TONSL: variants seen among roughly 807,000 people sequenced by gnomAD.
TONSL encodes tonsoku-like protein.
Under a neutral mutation model 147.1 loss-of-function variants are expected in TONSL, and 112 were observed. That is an observed-to-expected ratio of 0.76 (90% CI 0.65 to 0.89). The LOEUF (loss-of-function observed/expected upper bound fraction) is 0.89. Among genes scored for constraint, TONSL ranks in the 40% least tolerant of loss-of-function variants. The pLI, the probability that TONSL is intolerant of heterozygous loss-of-function variation, is 0.00. For synonymous variants in TONSL, 868 were observed against 801.5 expected (o/e 1.08, Z -1.40); for missense variants, 1,883 against 1,864.6 (o/e 1.01, Z -0.18).
At chr8:144,444,357 G>GC in intron 1 of TONSL, 33 bp downstream of exon 1, 2 of 1,284,148 alleles carry the variant, frequency 1.6e-6, no homozygotes, top group Non-Finnish European at 2.0e-6. Context: ...CAGCCTCCGC[G>GC]CCCCCGGAGG....
chr8:144,433,361 C>G, intron 22 of TONSL: 1 of 489,882 alleles, frequency 2.0e-6, no homozygotes. Flanking sequence ...CAGGCGTGAG[C>G]CACTGCGCCC....
intron 4 of TONSL, 103 bp downstream of exon 4, chr8:144,443,035 G>T: frequency 7.3e-7 from 1 of 1,374,278 alleles, no homozygotes. Flanking sequence ...GCAAAGGGAG[G>T]GCTCCAGAAG....
intron 5 of TONSL, 121 bp from the exon 6 acceptor site, chr8:144,442,533 A>G: frequency 6.8e-7 from 1 of 1,478,230 alleles, no homozygotes; most frequent in Non-Finnish European, 9.0e-7. Flanking sequence ...GCCTTCTCCC[A>G]GTGTGTGGCA....
chr8:144,429,451 A>G (rs1211342794), intron 25 of TONSL, 115 bp from the exon 26 acceptor site: 2 of 990,320 alleles, frequency 2.0e-6, no homozygotes, highest in Admixed American at 4.0e-5. Flanking sequence ...GGCTGTAGCG[A>G]GGGGCAGTGG....
chr8:144,443,124 A>G lies in TONSL; in HGVS notation c.448+14T>C. The G allele has an allele frequency of 1.3e-6, 2 of 1,545,604 alleles. No individual in the cohort carries two copies. Among genetic ancestry groups the G allele is most frequent in the South Asian group, 2.4e-5 (2 of 83,974 alleles). ...GAAGTTCAGGAGGCAGAAAACGCGG[A>G]GGGGTCTGCCCACCCTCCAGCTCCT... On this transcript the variant is annotated intron_variant, in intron 4 of 25. Coordinates refer to ENST00000409379, the MANE Select transcript of TONSL (RefSeq NM_013432.5).
At chr8:144,436,501 C>A in intron 16 of TONSL, 57 bp downstream of exon 16, 1 of 1,581,962 alleles carries the variant, frequency 6.3e-7, no homozygotes. Context: ...GAAATCAGGG[C>A]CCGGGGACTC....
In TONSL at chr8:144,430,539, T is replaced by C; in HGVS notation, c.3810-2A>G. Reference sequence around the variant, plus strand: ...AGTGAGGGGCACAGAGAGAGACATCTGAGATAACATGGGAAGAAGTGCAAA... The same window carrying C: ...AGTGAGGGGCACAGAGAGAGACATCCGAGATAACATGGGAAGAAGTGCAAA... On this transcript the variant is annotated splice_acceptor_variant, in intron 24 of 25. Coordinates refer to ENST00000409379, the MANE Select transcript of TONSL (RefSeq NM_013432.5). LOFTEE classifies it high-confidence loss of function. 1 of 1,606,300 alleles carries C rather than the reference T, an allele frequency of 6.2e-7. No individual in the cohort carries two copies. The highest frequency in any genetic ancestry group is 8.5e-7 in the Non-Finnish European group (1 of 1,176,258).
chr8:144,440,637 G>C, intron 9 of TONSL, 81 bp downstream of exon 9: 2 of 1,552,440 alleles, frequency 1.3e-6, no homozygotes, highest in Non-Finnish European at 1.7e-6. Context: ...AAGGACACCT[G>C]TCCATGGCCA....
In TONSL at chr8:144,434,048, G is replaced by A; in HGVS notation, c.3317C>T (p.Ser1106Phe). The change falls in exon 21 of 26, where the codon TCC becomes TTC. Residue 1106 changes from serine (S) to phenylalanine (F), a missense_variant. Physicochemically the swap from Ser to Phe is radical, Grantham distance 155. Transcript: ENST00000409379. ...GCCTTCGGGACCCAGGTGATTGGAG[G>A]AGAGGTCAAGGAGGGCCAGGCTGGG... ...TMPSLALLDL[S>F]SNHLGPEGLR... is the part of the protein sequence containing the mutation. 2 of 1,611,384 alleles carry A rather than the reference G, an allele frequency of 1.2e-6. No homozygotes were observed. The highest frequency in any genetic ancestry group is 1.7e-6 in the Non-Finnish European group (2 of 1,178,962).
At chr8:144,440,301 C>T (rs1222184546) in intron 10 of TONSL, 50 bp downstream of exon 10, 15 of 1,560,916 alleles carry the variant, frequency 9.6e-6, no homozygotes, top group South Asian at 3.5e-5. Flanking sequence ...CAGGCTGCAA[C>T]GAAGCTGGGC....
Position 144,444,376 on chromosome 8 carries a change from C to T in TONSL, c.25+14G>A. ...CTCCGCGCCCCCGGAGGAAGGGGTC[C>T]CCGAGGAACTTACGGCGAAGCTCGC... On this transcript the variant is annotated intron_variant, in intron 1 of 25. Coordinates refer to ENST00000409379, the MANE Select transcript of TONSL (RefSeq NM_013432.5). 1 of 1,278,258 alleles carries T rather than the reference C, an allele frequency of 7.8e-7. No homozygotes were observed. The highest frequency in any genetic ancestry group is 9.9e-7 in the Non-Finnish European group (1 of 1,010,208). 79.2% of individuals were successfully genotyped at this position (1,278,258 alleles called of 1,614,324 possible).
Position 144,442,938 on chromosome 8 carries a change from C to G in TONSL, c.449-132G>C, listed in dbSNP as rs551803092. The G allele has an allele frequency of 6.8e-6, 9 of 1,326,942 alleles. No individual in the cohort carries two copies. In the African/African-American group the frequency reaches 1.0e-4, roughly 15 times the overall value. 82.2% of individuals were successfully genotyped at this position (1,326,942 alleles called of 1,614,324 possible). ...TCCCGAGGTGGGTGCAAGTGTCCTG[C>G]GGCAGATGGAGCACAGAGTGGATAA... On this transcript the variant is annotated intron_variant, in intron 4 of 25. Transcript: ENST00000409379.
chr8:144,436,847 G>A lies in TONSL; in HGVS notation c.1800C>T (p.Thr600=), dbSNP rs1465368820. 1.2e-6 allele frequency: 2 copies of A among 1,610,740 alleles called. No homozygotes were observed. Among genetic ancestry groups the A allele is most frequent in the Non-Finnish European group, 1.7e-6 (2 of 1,179,898 alleles). Residue 600 remains threonine, a synonymous_variant, in exon 15 of 26, where the codon ACC becomes ACT. Coordinates refer to ENST00000409379, the MANE Select transcript of TONSL (RefSeq NM_013432.5). ...DPGGQGCEGI[T]PLHDALNCGH... is the part of the protein sequence containing the mutation. ...CACAGTTGAGGGCATCGTGGAGGGG[G>A]GTGATGCCTTCGCAGCCCTGGCCAC...
rs770590299 is a variant in TONSL, at chr8:144,435,140, G to A, written c.2883C>T (p.Ala961=). The change falls in exon 19 of 26, where the codon GCC becomes GCT. Residue 961 remains alanine (A), a synonymous_variant. Coordinates refer to ENST00000409379, the MANE Select transcript of TONSL (RefSeq NM_013432.5). The part of the protein sequence containing the change: ...SSDTHSVAWL[A]EQAAQRYYQT... Reference sequence around the variant, plus strand: ...GGTAGTAGCGCTGGGCCGCCTGCTCGGCCAGCCAGGCCACAGAGTGGGTGT... The same window carrying A: ...GGTAGTAGCGCTGGGCCGCCTGCTCAGCCAGCCAGGCCACAGAGTGGGTGT... 8.3e-6 allele frequency: 13 copies of A among 1,566,982 alleles called. No homozygotes were observed. Among genetic ancestry groups the A allele is most frequent in the Non-Finnish European group, 1.0e-5 (12 of 1,157,090 alleles).
At chr8:144,432,694 C>A in intron 22 of TONSL, 1 of 444,290 alleles carries the variant, frequency 2.3e-6, no homozygotes, top group South Asian at 4.3e-5. Context: ...CCTCTCCCAC[C>A]CCACAACCAC....
chr8:144,436,965 G>T, intron 14 of TONSL, 45 bp from the exon 15 acceptor site: 5 of 1,612,658 alleles, frequency 3.1e-6, no homozygotes, highest in Non-Finnish European at 3.4e-6. Context: ...GCCCCGCCAG[G>T]ACTGACTCTT....
At position 144,433,966 on chromosome 8, in the gene TONSL, C is replaced by T. The variant is rs1586684444; in HGVS notation, c.3387+12G>A. The T allele has an allele frequency of 6.4e-7, 1 of 1,561,686 alleles. No individual in the cohort carries two copies. The highest frequency in any genetic ancestry group is 8.7e-7 in the Non-Finnish European group (1 of 1,150,894). On this transcript the variant is annotated intron_variant, in intron 21 of 25. Coordinates refer to ENST00000409379, the MANE Select transcript of TONSL (RefSeq NM_013432.5). ...CCCGCTGTTGAGGGCCTGCTGCTCT[C>T]TGTGCCTATACCTGCAAGGTGGCTT...
At position 144,440,420 on chromosome 8, in the gene TONSL, G is replaced by T; in HGVS notation, c.1221C>A (p.Tyr407Ter). ...ALSREEAGDAYELLAPCFQKA... is the reference protein window; with the variant it reads ...ALSREEAGDA ...TCTGGAAGCACGGGGCCAGCAGCTC[G>T]TAGGCATCGCCGGCCTCCTCGCGGG... The change falls in exon 10 of 26, where the codon TAC becomes TAA. Residue 407 changes from tyrosine (Y) to a stop codon, truncating the protein, a stop_gained. Transcript: ENST00000409379. LOFTEE classifies it high-confidence loss of function. The T allele has an allele frequency of 1.9e-6, 3 of 1,608,436 alleles. No individual in the cohort carries two copies. The highest frequency in any genetic ancestry group is 2.2e-5 in the East Asian group (1 of 44,710).
In TONSL at chr8:144,430,508, G is replaced by A. The variant is rs781908312; in HGVS notation, c.3839C>T (p.Ser1280Leu). Residue 1280 changes from serine to leucine, a missense_variant, in exon 25 of 26, where the codon TCA (serine) becomes TTA (leucine). Transcript: ENST00000409379. ...CTCAGGGTTGGCAGACAGATCCAGT[G>A]AGATGAGTGAGGGGCACAGAGAGAG... Reference protein sequence around the residue: ...RCLSLCPSLISLDLSANPEIS... With the variant: ...RCLSLCPSLILLDLSANPEIS... 26 of 1,613,228 alleles carry A rather than the reference G, an allele frequency of 1.6e-5. No homozygotes were observed. Among genetic ancestry groups the A allele is most frequent in the African/African-American group, 2.7e-5 (2 of 74,924 alleles).
Sources: allele counts gnomAD v4.1 joint callset, GRCh38; gene constraint gnomAD v4.1.1; transcripts MANE v1.5; gene names NCBI Gene and HGNC (gene_info 2026-07-23, HGNC 2026-07-21).